Variants in IL2RA observed in about 807,000 individuals in gnomAD.
IL2RA encodes interleukin 2 receptor subunit alpha.
IL2RA carries 24 observed loss-of-function variants against 37.8 expected under a neutral mutation model. The observed-to-expected ratio is 0.63, with a 90% CI of 0.46 to 0.89. IL2RA has a LOEUF of 0.89. IL2RA is among the 40% of genes least tolerant of loss of function. The probability of loss-of-function intolerance (pLI) is 0.00; values close to 1 mark genes in which losing one functional copy is unlikely to be tolerated. For synonymous variants in IL2RA, 125 were observed against 114.6 expected (o/e 1.09, Z -0.58); for missense variants, 319 against 348.6 (o/e 0.92, Z 0.68).
chr10:6,059,725 T>G (rs1840095917), intron 1 of IL2RA, among the ~76,000 whole-genome samples: 1 of 152,168 alleles, frequency 6.6e-6, no homozygotes, highest in Non-Finnish European at 1.5e-5. Flanking sequence ...TTTGGCTCAT[T>G]GGGGTCTCTC....
chr10:6,047,379 G>T lies in IL2RA; in HGVS notation c.64+14709C>A, dbSNP rs791588. On this transcript the variant is annotated intron_variant, in intron 1 of 7. Transcript: ENST00000379959. The surrounding 1 kb of genome is among the most constrained non-coding windows in gnomAD (Gnocchi z 5.0). ...TGGCAAAGGCTGGTTGTCACCTGGG[G>T]GCCTCAGAAGCCACGGCACCAGAGG... is the stretch of plus-strand genomic sequence containing the variant. Among the ~76,000 whole-genome samples, 62,024 of 152,034 alleles carry T rather than the reference G, an allele frequency of 0.41. 14,105 individuals are homozygous for T. The highest frequency in any genetic ancestry group is 0.63 in the East Asian group (3,256 of 5,154).
chr10:6,036,607 C>T lies in IL2RA; in HGVS notation c.65-10582G>A, dbSNP rs951195847. On this transcript the variant is annotated intron_variant, in intron 1 of 7. Coordinates refer to ENST00000379959, the MANE Select transcript of IL2RA (RefSeq NM_000417.3). This position sits in a 1 kb window ranked among gnomAD's most constrained non-coding sequence, Gnocchi z 6.1. Reference sequence around the variant, plus strand: ...TCCCTGACGTGGAATTATGAGCCCTCTTTCTTCGATTTTGCCACATACCCG... The same window carrying T: ...TCCCTGACGTGGAATTATGAGCCCTTTTTCTTCGATTTTGCCACATACCCG... Among the ~76,000 whole-genome samples, 1 of 152,226 alleles carries T rather than the reference C, an allele frequency of 6.6e-6. No homozygotes were observed. The highest frequency in any genetic ancestry group is 6.5e-5 in the Admixed American group (1 of 15,280).
rs935207678 is a variant in IL2RA, at chr10:6,018,218, G to T, written c.728-99C>A. On this transcript the variant is annotated intron_variant, in intron 6 of 7. Coordinates refer to ENST00000379959, the MANE Select transcript of IL2RA (RefSeq NM_000417.3). This position sits in a 1 kb window ranked among gnomAD's most constrained non-coding sequence, Gnocchi z 5.1. ...GGCAGGCTGAGGACATCCCCAAAGA[G>T]CAAGGCGGAGGCTGCAGCCTCTCTT... The T allele has an allele frequency of 3.5e-6, 3 of 865,546 alleles. No individual in the cohort carries two copies. Among genetic ancestry groups the T allele is most frequent in the Admixed American group, 1.9e-5 (1 of 52,010 alleles). The allele number at this position is 865,546 out of a possible 1,614,324, so 53.6% of individuals were successfully genotyped here.
intron 1 of IL2RA, among the ~76,000 whole-genome samples, chr10:6,043,851 C>T (rs1413497578): frequency 5.3e-5 from 8 of 152,144 alleles, no homozygotes; most frequent in Non-Finnish European, 5.9e-5. Context: ...TTGTGTTTTT[C>T]TGTATTGGTT....
At chr10:6,030,273 A>G (rs556319267) in intron 1 of IL2RA, among the ~76,000 whole-genome samples, 2 of 152,356 alleles carry the variant, frequency 1.3e-5, no homozygotes, top group East Asian at 3.9e-4. Flanking sequence ...GATGACAGAT[A>G]CTGATTTACA....
At chr10:6,055,666 C>T (rs367915952) in intron 1 of IL2RA, among the ~76,000 whole-genome samples, 4 of 32,032 alleles carry the variant, frequency 1.2e-4, no homozygotes, top group African/African-American at 2.2e-4. Context: ...CCCGCCTTTC[C>T]ATTCCACAAA....
chr10:6,023,092 C>G (rs1398013438), intron 3 of IL2RA, among the ~76,000 whole-genome samples: 2 of 152,326 alleles, frequency 1.3e-5, no homozygotes, highest in East Asian at 3.9e-4. Flanking sequence ...GGTCTGATTC[C>G]AGCCCTACTA....
At position 6,012,942 on chromosome 10, in the gene IL2RA, C is replaced by CA. The variant is rs781530309; in HGVS notation, c.795-47dup. The CA allele has an allele frequency of 1.9e-6, 3 of 1,597,884 alleles. No homozygotes were observed. Among genetic ancestry groups the CA allele is most frequent in the Non-Finnish European group, 2.6e-6 (3 of 1,166,268 alleles). Reference sequence around the variant, plus strand: ...CACGGTCATATGTGTAACACGGCACCAAAAAAATGTGGTCCTCACTCTAAA... The same window carrying CA: ...CACGGTCATATGTGTAACACGGCACCAAAAAAAATGTGGTCCTCACTCTAAA... On this transcript the variant is annotated intron_variant, in intron 7 of 7. Coordinates refer to ENST00000379959, the MANE Select transcript of IL2RA (RefSeq NM_000417.3). The surrounding 1 kb of genome is among the most constrained non-coding windows in gnomAD (Gnocchi z 4.8).
In IL2RA at chr10:6,057,358, A is replaced by C. The variant is rs986443575; in HGVS notation, c.64+4730T>G. On this transcript the variant is annotated intron_variant, in intron 1 of 7. Transcript: ENST00000379959. This position sits in a 1 kb window ranked among gnomAD's most constrained non-coding sequence, Gnocchi z 4.8. ...ACAATGAGACATCAGGCTTGGGTGC[A>C]TTGATACACAAAAGTCGCTCAACCC... Among the ~76,000 whole-genome samples, 39 of 152,184 alleles carry C rather than the reference A, an allele frequency of 2.6e-4. No individual in the cohort carries two copies. Among genetic ancestry groups the C allele is most frequent in the African/African-American group, 9.4e-4 (39 of 41,442 alleles).
Position 6,054,737 on chromosome 10 carries a change from C to A in IL2RA, c.64+7351G>T, listed in dbSNP as rs1236800077. 6.6e-6 allele frequency among the ~76,000 whole-genome samples: 1 copy of A among 152,188 alleles called. No individual in the cohort carries two copies. The highest frequency in any genetic ancestry group is 1.5e-5 in the Non-Finnish European group (1 of 68,042). ...CATTCAGAGCCAGGAGGTCCCAGGG[C>A]CACCTTCTCTGAGAATTTTTTTTCT... On this transcript the variant is annotated intron_variant, in intron 1 of 7. Transcript: ENST00000379959. The surrounding 1 kb of genome is among the most constrained non-coding windows in gnomAD (Gnocchi z 4.5).
Position 6,048,194 on chromosome 10 carries a change from G to A in IL2RA, c.64+13894C>T, listed in dbSNP as rs1839896260. On this transcript the variant is annotated intron_variant, in intron 1 of 7. Transcript: ENST00000379959. The surrounding 1 kb of genome is among the most constrained non-coding windows in gnomAD (Gnocchi z 5.3). ...TCATGGGAGTCCTGAGGTGGGTGGT[G>A]ATAAGTAAGCAAGAAGAGGGGTTGC... Among the ~76,000 whole-genome samples the A allele has an allele frequency of 6.6e-6, 1 of 152,242 alleles. No individual in the cohort carries two copies. The highest frequency in any genetic ancestry group is 2.4e-5 in the African/African-American group (1 of 41,452).
At position 6,020,232 on chromosome 10, in the gene IL2RA, A is replaced by C. The variant is rs1839362727; in HGVS notation, c.584-291T>G. On this transcript the variant is annotated intron_variant, in intron 4 of 7. Transcript: ENST00000379959. This position sits in a 1 kb window ranked among gnomAD's most constrained non-coding sequence, Gnocchi z 5.6. ...GCCTCCCTCCCCAGTCCTGGTTTCC[A>C]TCTGTGACTTGGAAACAGGTCATAA... Among the ~76,000 whole-genome samples the C allele has an allele frequency of 6.6e-6, 1 of 152,132 alleles. No individual in the cohort carries two copies. The highest frequency in any genetic ancestry group is 2.1e-4 in the South Asian group (1 of 4,834).
chr10:6,026,124 A>G, intron 1 of IL2RA, 99 bp from the exon 2 acceptor site: 2 of 1,251,982 alleles, frequency 1.6e-6, no homozygotes, highest in South Asian at 1.2e-5. Context: ...TCTTCACTTT[A>G]TTTAAAAGAT....
At chr10:6,023,968 T>C (rs1459824715) in intron 3 of IL2RA, among the ~76,000 whole-genome samples, 1 of 152,212 alleles carries the variant, frequency 6.6e-6, no homozygotes, top group Non-Finnish European at 1.5e-5. Context: ...TTAAGTTGAG[T>C]TGAATTTGGG....
chr10:6,047,714 T>C lies in IL2RA; in HGVS notation c.64+14374A>G, dbSNP rs1839888082. ...AATACCATCTTAGCTTATGAAATTA[T>C]CTTATATGATAAAATAATTATACAG... On this transcript the variant is annotated intron_variant, in intron 1 of 7. Transcript: ENST00000379959. This position sits in a 1 kb window ranked among gnomAD's most constrained non-coding sequence, Gnocchi z 5.0. 6.7e-6 allele frequency among the ~76,000 whole-genome samples: 1 copy of C among 149,542 alleles called. No homozygotes were observed. The highest frequency in any genetic ancestry group is 2.1e-4 in the South Asian group (1 of 4,804).
At chr10:6,061,183 G>T (rs1840116454) in intron 1 of IL2RA, among the ~76,000 whole-genome samples, 1 of 152,112 alleles carries the variant, frequency 6.6e-6, no homozygotes, top group Non-Finnish European at 1.5e-5. Context: ...GAGCCCAGGA[G>T]TTCAAGACCA....
chr10:6,026,266 G>A (rs552585077), intron 1 of IL2RA, among the ~76,000 whole-genome samples: 2 of 152,270 alleles, frequency 1.3e-5, no homozygotes, highest in East Asian at 3.9e-4. Flanking sequence ...TTTCAAACTA[G>A]ATGAGTAGAA....
In IL2RA at chr10:6,028,990, C is replaced by T. The variant is rs1430848464; in HGVS notation, c.65-2965G>A. On this transcript the variant is annotated intron_variant, in intron 1 of 7. Transcript: ENST00000379959. The surrounding 1 kb of genome is among the most constrained non-coding windows in gnomAD (Gnocchi z 4.1). ...TTACAGAGTGAGTGAGAGTCTGTCT[C>T]AAAAAAAAAAAAAAAAGACCCCTAA... 1.8e-5 allele frequency among the ~76,000 whole-genome samples: 2 copies of T among 110,046 alleles called. No homozygotes were observed. Among genetic ancestry groups the T allele is most frequent in the Non-Finnish European group, 3.9e-5 (2 of 51,018 alleles). The allele number at this position is 110,046 out of a possible 152,430, so 72.2% of individuals were successfully genotyped here.
At position 6,036,786 on chromosome 10, in the gene IL2RA, A is replaced by C. The variant is rs1839689799; in HGVS notation, c.65-10761T>G. Among the ~76,000 whole-genome samples the C allele has an allele frequency of 6.6e-6, 1 of 152,186 alleles. No homozygotes were observed. The highest frequency in any genetic ancestry group is 6.5e-5 in the Admixed American group (1 of 15,278). Reference sequence around the variant, plus strand: ...AACCCTGGAAAGAGATGTGGGGGACAGTCATTTTAGAGAGCGGACACCACT... The same window carrying C: ...AACCCTGGAAAGAGATGTGGGGGACCGTCATTTTAGAGAGCGGACACCACT... On this transcript the variant is annotated intron_variant, in intron 1 of 7. Transcript: ENST00000379959. This position sits in a 1 kb window ranked among gnomAD's most constrained non-coding sequence, Gnocchi z 6.1.
Sources: allele counts gnomAD v4.1 joint callset (sites outside exome capture counted in the v4.1 genomes callset), GRCh38; gene constraint gnomAD v4.1.1; non-coding constraint Gnocchi (gnomAD v3.1); transcripts MANE v1.5; gene names NCBI Gene and HGNC (gene_info 2026-07-23, HGNC 2026-07-21).